The following PIWIL1 variants were observed in gnomAD, a reference collection of about 807,000 sequenced individuals.
PIWIL1 encodes the protein piwi-like protein 1.
PIWIL1 carries 73 observed loss-of-function variants against 114.4 expected under a neutral mutation model. The ratio of observed to expected loss-of-function variants is 0.64; its 90% CI spans 0.53 to 0.78. The LOEUF is 0.78. PIWIL1 is among the 30% of genes least tolerant of loss of function. The probability of loss-of-function intolerance (pLI) is 0.00; values close to 1 mark genes in which losing one functional copy is unlikely to be tolerated. For synonymous variants in PIWIL1, 375 were observed against 369.0 expected, an observed-to-expected ratio of 1.02 and a Z score of -0.19; for missense variants, 723 against 1,063.1, an observed-to-expected ratio of 0.68 and a Z score of 4.45.
the PIWIL1 span, chr12:130,406,077 A>G: frequency 6.3e-4 from 509 of 808,706 alleles, no homozygotes; most frequent in Non-Finnish European, 8.5e-4. Context: ...TTCATGCCCA[A>G]TTTTAAGAGA....
intron 14 of PIWIL1, 22 bp from the exon 15 acceptor site, chr12:130,361,158 A>T (rs1290194299): frequency 6.2e-7 from 1 of 1,612,414 alleles, no homozygotes; most frequent in Admixed American, 1.7e-5. Flanking sequence ...AATTCTTTGT[A>T]ACAAGGGCAC....
the PIWIL1 span, among the ~76,000 whole-genome samples, chr12:130,420,619 T>C: frequency 6.6e-6 from 1 of 152,254 alleles, no homozygotes; most frequent in South Asian, 2.1e-4. This position sits in a 1 kb window ranked among gnomAD's most constrained non-coding sequence, Gnocchi z 4.3. Flanking sequence ...CTCAACAATA[T>C]ACAGCCATTT....
Position 130,349,355 on chromosome 12 carries a change from T to C in PIWIL1, c.851T>C (p.Phe284Ser), listed in dbSNP as rs1340015071. Residue 284 changes from phenylalanine to serine, a missense_variant, in exon 8 of 21, where the codon TTC becomes TCC. Transcript: ENST00000245255. ...LRSETVLDFMFNFYHQTEEHK... is the reference protein window; with the variant it reads ...LRSETVLDFMSNFYHQTEEHK... ...AGTGAGACTGTTTTGGATTTCATGTTCAACTTTTATCATCAGACAGAAGAA... is the reference window on the plus strand; with the variant it reads ...AGTGAGACTGTTTTGGATTTCATGTCCAACTTTTATCATCAGACAGAAGAA... 9 of 1,613,660 alleles carry C rather than the reference T, an allele frequency of 5.6e-6. No homozygotes were observed. The Admixed American group carries it at 6.7e-5, about 12-fold the overall frequency.
intron 6 of PIWIL1, among the ~76,000 whole-genome samples, chr12:130,347,357 G>A (rs2073097290): frequency 6.6e-6 from 1 of 152,196 alleles, no homozygotes; most frequent in Non-Finnish European, 1.5e-5. Context: ...TCTCCCCACG[G>A]TGGGTCCTTG....
intron 18 of PIWIL1, among the ~76,000 whole-genome samples, chr12:130,363,996 A>G (rs924976975): frequency 2.0e-5 from 3 of 151,992 alleles, no homozygotes; most frequent in South Asian, 2.1e-4. Context: ...TGAAACCCAT[A>G]TTGGTTTTTG....
rs777002892 is a variant in PIWIL1 at position 130,367,155 on chromosome 12, G to A, written c.2218G>A (p.Val740Met). The A allele has an allele frequency of 6.2e-7, 1 of 1,614,126 alleles. No homozygotes were observed. The highest frequency in any genetic ancestry group is 8.5e-7 in the Non-Finnish European group (1 of 1,179,998). The change falls in exon 19 of 21, where the codon GTG (valine) becomes ATG (methionine). Residue 740 changes from valine (V) to methionine (M), a missense_variant. Val to Met is a conservative substitution (Grantham distance 21, BLOSUM62 1). This residue lies in a region of PIWIL1 where 106 missense variants were observed against 182.8 expected (regional missense o/e 0.58). Transcript: ENST00000245255. ...GYNPRLTVIV[V>M]KKRVNTRFFA... is the part of the protein sequence containing the mutation. ...AAGCCCTAGACTAACGGTAATTGTG[G>A]TGAAGAAAAGAGTGAACACCAGATT...
chr12:130,397,771 G>A, the PIWIL1 span: 3 of 354,534 alleles, frequency 8.5e-6, no homozygotes, highest in African/African-American at 6.3e-5. Context: ...CTGTCTCGAG[G>A]GAGTGCGGGG....
At chr12:130,366,251 T>C (rs1187859825) in intron 18 of PIWIL1, among the ~76,000 whole-genome samples, 1 of 152,154 alleles carries the variant, frequency 6.6e-6, no homozygotes, top group South Asian at 2.1e-4. Context: ...GTGGATTGTG[T>C]GTGTACAAGT....
chr12:130,356,218 AGAAAAG>A (rs2073361899), intron 12 of PIWIL1, among the ~76,000 whole-genome samples: 9 of 152,112 alleles, frequency 5.9e-5, no homozygotes. Context: ...TTTCATTTTC[AGAAAAG>A]GAAAAGTATT....
chr12:130,412,800 G>A, the PIWIL1 span: 1 of 1,601,926 alleles, frequency 6.2e-7, no homozygotes, highest in Non-Finnish European at 8.5e-7. Flanking sequence ...AGAGCCAAGG[G>A]GGAAAATAAA....
At chr12:130,355,092 C>T in intron 11 of PIWIL1, 87 bp downstream of exon 11, 1 of 830,310 alleles carries the variant, frequency 1.2e-6, no homozygotes. Context: ...GAGGGAGTGG[C>T]AGAAAGTAAC....
chr12:130,350,462 T>G (rs181195007), intron 9 of PIWIL1, among the ~76,000 whole-genome samples: 39 of 152,350 alleles, frequency 2.6e-4, no homozygotes, highest in Admixed American at 7.8e-4. Context: ...ACAGGCTAGA[T>G]CAGTCTTTTG....
intron 9 of PIWIL1, among the ~76,000 whole-genome samples, chr12:130,354,330 T>G (rs1011473877): frequency 6.6e-6 from 1 of 152,150 alleles, no homozygotes; most frequent in Non-Finnish European, 1.5e-5. Context: ...AGGAAAAAGA[T>G]AGGGCACTCA....
the PIWIL1 span, among the ~76,000 whole-genome samples, chr12:130,389,471 AT>A: frequency 6.6e-6 from 1 of 151,650 alleles, no homozygotes; most frequent in Non-Finnish European, 1.5e-5. Flanking sequence ...TGTACTTATC[AT>A]TTTTTTAAGC....
At chr12:130,360,295 A>T (rs1246576089) in intron 14 of PIWIL1, among the ~76,000 whole-genome samples, 2 of 152,212 alleles carry the variant, frequency 1.3e-5, no homozygotes, top group Non-Finnish European at 2.9e-5. Flanking sequence ...TAAAAAGGGA[A>T]GAGAAGAATC....
At chr12:130,409,745 T>A in the PIWIL1 span, among the ~76,000 whole-genome samples, 3 of 152,164 alleles carry the variant, frequency 2.0e-5, no homozygotes, top group African/African-American at 7.2e-5. Flanking sequence ...CATTGCTGAG[T>A]AGGCCCCATT....
chr12:130,338,031 C>T lies in PIWIL1; in HGVS notation c.-128C>T. 2 of 180,870 alleles carry T rather than the reference C, an allele frequency of 1.1e-5. No individual in the cohort carries two copies. Among genetic ancestry groups the T allele is most frequent in the Non-Finnish European group, 2.3e-5 (2 of 86,942 alleles). 11.2% of individuals were successfully genotyped at this position (180,870 alleles called of 1,614,324 possible). A position where few individuals can be genotyped will look rare whatever the true frequency, so the allele number is the denominator to read the frequency against. Reference sequence around the variant, plus strand: ...GCGCCGAAGGCGAGGTGGGCGCGGGCCGAAGGAGGTCCTGGGAGGTCGGCG... The same window carrying T: ...GCGCCGAAGGCGAGGTGGGCGCGGGTCGAAGGAGGTCCTGGGAGGTCGGCG... On this transcript the variant is annotated 5_prime_UTR_variant, in exon 1 of 21. Coordinates refer to ENST00000245255, the MANE Select transcript of PIWIL1 (RefSeq NM_004764.5).
downstream of PIWIL1, among the ~76,000 whole-genome samples, chr12:130,373,906 A>G (rs2073847023): frequency 6.6e-6 from 1 of 152,116 alleles, no homozygotes; most frequent in Non-Finnish European, 1.5e-5. Context: ...GTGAAATCCC[A>G]ATTTCTCCTT....
chr12:130,413,889 A>T, the PIWIL1 span, among the ~76,000 whole-genome samples: 1 of 152,194 alleles, frequency 6.6e-6, no homozygotes, highest in Admixed American at 6.5e-5. Flanking sequence ...TCCAGAGTTC[A>T]CAGGACATAT....
Sources: allele counts gnomAD v4.1 joint callset (sites outside exome capture counted in the v4.1 genomes callset), GRCh38; gene constraint gnomAD v4.1.1; regional missense constraint gnomAD v4.1.1; non-coding constraint Gnocchi (gnomAD v3.1); transcripts MANE v1.5; gene names NCBI Gene and HGNC (gene_info 2026-07-23, HGNC 2026-07-21).